Variants in ATF7IP2 observed in about 807,000 individuals in gnomAD.
ATF7IP2 encodes activating transcription factor 7-interacting protein 2.
In ATF7IP2, 42 loss-of-function variants were observed where a neutral mutation model predicts 64.2. The ratio of observed to expected loss-of-function variants is 0.65; its 90% CI spans 0.51 to 0.85. The LOEUF is 0.85. ATF7IP2 is among the 40% of genes least tolerant of loss of function. The probability of loss-of-function intolerance (pLI) is 0.00; values close to 1 mark genes in which losing one functional copy is unlikely to be tolerated. For missense variants in ATF7IP2, 933 were observed against 784.2 expected (o/e 1.19, Z -2.27); for synonymous variants, 308 against 272.8 (o/e 1.13, Z -1.27).
chr16:10,390,662 A>G (rs1205531769), intron 1 of ATF7IP2, among the ~76,000 whole-genome samples: 1 of 152,038 alleles, frequency 6.6e-6, no homozygotes, highest in Non-Finnish European at 1.5e-5. Context: ...GGAGGGACAC[A>G]CTTGTAGTCC....
At chr16:10,456,660 C>A (rs1051204325) in intron 8 of ATF7IP2, among the ~76,000 whole-genome samples, 3 of 152,144 alleles carry the variant, frequency 2.0e-5, no homozygotes, top group African/African-American at 7.2e-5. Flanking sequence ...AAAAGTTGGC[C>A]TATGGTCACT....
intron 1 of ATF7IP2, among the ~76,000 whole-genome samples, chr16:10,397,959 T>TAA (rs1299525098): frequency 6.6e-6 from 1 of 151,862 alleles, no homozygotes; most frequent in Non-Finnish European, 1.5e-5. Context: ...AAATGTCAGT[T>TAA]AAAACCACTA....
chr16:10,477,392 T>TATTG (rs2050049800), intron 12 of ATF7IP2, among the ~76,000 whole-genome samples: 1 of 152,176 alleles, frequency 6.6e-6, no homozygotes, highest in Non-Finnish European at 1.5e-5. Context: ...ATTATCTCAA[T>TATTG]AGATGCAGAA....
In ATF7IP2 at chr16:10,422,441, C is replaced by T. The variant is rs193003483; in HGVS notation, c.-160+2818C>T. Among the ~76,000 whole-genome samples, 403 of 152,296 alleles carry T rather than the reference C, an allele frequency of 2.6e-3. 4 individuals carry two copies. The highest frequency in any genetic ancestry group is 9.2e-3 in the African/African-American group (382 of 41,540). ...CTCTGGAATTAGAACTTGTTCTCCTCATTGTTGTAATAAATCTCTCCCCCA... is the reference window on the plus strand; with the variant it reads ...CTCTGGAATTAGAACTTGTTCTCCTTATTGTTGTAATAAATCTCTCCCCCA... On this transcript the variant is annotated intron_variant, in intron 3 of 13. Coordinates refer to ENST00000562102, the MANE Select transcript of ATF7IP2 (RefSeq NM_001393719.1).
chr16:10,391,084 G>A (rs1225546537), intron 1 of ATF7IP2, among the ~76,000 whole-genome samples: 1 of 151,706 alleles, frequency 6.6e-6, no homozygotes, highest in African/African-American at 2.4e-5. Flanking sequence ...CTGAGCCCAA[G>A]AGTTCAAGGT....
At chr16:10,431,598 C>A (rs1197809257) in intron 5 of ATF7IP2, 143 bp downstream of exon 5, 3 of 582,228 alleles carry the variant, frequency 5.2e-6, no homozygotes, top group Non-Finnish European at 8.8e-6. Flanking sequence ...TGTTTCTGAA[C>A]CATTCTTAGT....
At chr16:10,441,958 C>T (rs757741123) in intron 8 of ATF7IP2, among the ~76,000 whole-genome samples, 1 of 152,210 alleles carries the variant, frequency 6.6e-6, no homozygotes, top group Admixed American at 6.5e-5. Context: ...CAGTCATGAT[C>T]GCAAAAGCAC....
Position 10,457,515 on chromosome 16 carries a change from G to A in ATF7IP2, c.1338G>A (p.Lys446=), listed in dbSNP as rs144631035. The A allele has an allele frequency of 4.3e-5, 68 of 1,575,566 alleles. No individual in the cohort carries two copies. Among genetic ancestry groups the A allele is most frequent in the Non-Finnish European group, 5.5e-5 (64 of 1,166,360 alleles). ...KKINLSSDQN[K]SVSESNNDDV... The stretch of plus-strand genomic sequence containing the variant: ...TTAATTTGTCATCAGATCAAAATAA[G>A]TCTGTTTCTGAAAGGTAGGTGTTTC... Residue 446 remains lysine, a synonymous_variant, in exon 9 of 14, where the codon AAG becomes AAA. Transcript: ENST00000562102.
intron 10 of ATF7IP2, among the ~76,000 whole-genome samples, chr16:10,472,904 T>TTC (rs542986862): frequency 1.3e-5 from 2 of 152,116 alleles, no homozygotes; most frequent in Non-Finnish European, 2.9e-5. Flanking sequence ...ATGATAACTT[T>TTC]TCTCTCTCTC....
chr16:10,473,302 C>T (rs1202406779), intron 10 of ATF7IP2, among the ~76,000 whole-genome samples, 177 bp from the exon 11 acceptor site: 1 of 152,134 alleles, frequency 6.6e-6, no homozygotes, highest in Non-Finnish European at 1.5e-5. Flanking sequence ...CCCAAAATTA[C>T]ATTTTTTTAA....
At chr16:10,434,122 T>G (rs1341663943) in intron 6 of ATF7IP2, among the ~76,000 whole-genome samples, 1 of 152,206 alleles carries the variant, frequency 6.6e-6, no homozygotes, top group African/African-American at 2.4e-5. Context: ...CTTGCCCTAT[T>G]TTCCAAACTT....
intron 1 of ATF7IP2, among the ~76,000 whole-genome samples, chr16:10,389,340 AGAACTGGATCTAC>A (rs2047273912): frequency 1.3e-5 from 2 of 152,240 alleles, no homozygotes; most frequent in South Asian, 4.1e-4. Flanking sequence ...TGTGAACTAC[AGAACTGGATCTAC>A]GAATGACAGG....
At chr16:10,424,095 T>C (rs372639288) in intron 3 of ATF7IP2, among the ~76,000 whole-genome samples, 342 of 152,362 alleles carry the variant, frequency 2.2e-3, no homozygotes, top group African/African-American at 7.5e-3. Context: ...TGGCTAGTTA[T>C]CTGCAGCAGG....
intron 12 of ATF7IP2, among the ~76,000 whole-genome samples, chr16:10,474,431 T>C (rs2049929159): frequency 6.6e-6 from 1 of 152,174 alleles, no homozygotes; most frequent in South Asian, 2.1e-4. Flanking sequence ...TCTGGCTTGT[T>C]GGGGACTTTT....
At chr16:10,478,608 T>C (rs1347872265) in intron 12 of ATF7IP2, among the ~76,000 whole-genome samples, 1 of 152,074 alleles carries the variant, frequency 6.6e-6, no homozygotes, top group Non-Finnish European at 1.5e-5. Flanking sequence ...GGACTTCATG[T>C]CTAAAACACC....
intron 9 of ATF7IP2, among the ~76,000 whole-genome samples, chr16:10,461,293 AATATCAAAG>A (rs2049367248): frequency 6.6e-6 from 1 of 152,110 alleles, no homozygotes; most frequent in Non-Finnish European, 1.5e-5. Flanking sequence ...ATTATCTGGA[AATATCAAAG>A]ATATGAATAT....
At chr16:10,391,191 C>T (rs1225065439) in intron 1 of ATF7IP2, among the ~76,000 whole-genome samples, 1 of 149,476 alleles carries the variant, frequency 6.7e-6, no homozygotes, top group Admixed American at 6.7e-5. Flanking sequence ...CGTGGGGGCT[C>T]ACACCTGTAA....
At chr16:10,467,047 T>G (rs1261616572) in intron 9 of ATF7IP2, among the ~76,000 whole-genome samples, 1 of 152,156 alleles carries the variant, frequency 6.6e-6, no homozygotes, top group Non-Finnish European at 1.5e-5. Flanking sequence ...GCTAATCCTC[T>G]GCTTGCCAAA....
chr16:10,408,021 C>G (rs1165355439), intron 1 of ATF7IP2, among the ~76,000 whole-genome samples: 1 of 152,010 alleles, frequency 6.6e-6, no homozygotes, highest in African/African-American at 2.4e-5. Context: ...AAGCGATTCT[C>G]CAGCCTCAGC....
Sources: gnomAD v4.1 joint callset for allele counts (sites outside exome capture counted in the v4.1 genomes callset) on GRCh38, gnomAD v4.1.1 for gene constraint, MANE v1.5 for transcripts, NCBI Gene and HGNC (gene_info 2026-07-23, HGNC 2026-07-21) for gene names.